CCDC25: variants seen among roughly 807,000 people sequenced by gnomAD.
CCDC25 encodes the protein coiled-coil domain-containing protein 25.
A neutral mutation model predicts 35.3 loss-of-function variants in CCDC25; 16 were observed. The ratio of observed to expected loss-of-function variants is 0.45; its 90% CI spans 0.31 to 0.69. The LOEUF is 0.69. CCDC25 is among the 30% of genes least tolerant of loss of function. The pLI is 0.06. For synonymous variants in CCDC25, 79 were observed against 80.3 expected (o/e 0.98, Z 0.09); for missense variants, 179 against 250.7 (o/e 0.71, Z 1.93).
chr8:27,756,850 G>T, intron 3 of CCDC25, 80 bp from the exon 4 acceptor site: 1 of 1,000,394 alleles, frequency 1.0e-6, no homozygotes, highest in African/African-American at 1.6e-5. Flanking sequence ...AAAGCATTCT[G>T]TTCTAAAAAG....
intron 8 of CCDC25, among the ~76,000 whole-genome samples, chr8:27,738,414 C>T (rs1803321016): frequency 6.6e-6 from 1 of 152,134 alleles, no homozygotes; most frequent in Non-Finnish European, 1.5e-5. Context: ...GCAAAACTTC[C>T]TTGGAATCTT....
intron 7 of CCDC25, 97 bp from the exon 8 acceptor site, chr8:27,740,614 G>C (rs1183217837): frequency 1.0e-6 from 1 of 1,003,032 alleles, no homozygotes; most frequent in Admixed American, 2.3e-5. Context: ...CTGCTCAGGG[G>C]CTTTAGAAGA....
chr8:27,756,498 T>A (rs996618521), intron 4 of CCDC25: 78 of 508,782 alleles, frequency 1.5e-4, no homozygotes, highest in African/African-American at 1.4e-3. Context: ...AAGCAGTGCA[T>A]CTAGCTGGGA....
intron 5 of CCDC25, among the ~76,000 whole-genome samples, chr8:27,749,495 C>T (rs937845849): frequency 3.9e-5 from 6 of 152,180 alleles, no homozygotes; most frequent in Non-Finnish European, 7.3e-5. Flanking sequence ...CTCCAAAGTG[C>T]ATGATGGGAT....
chr8:27,740,652 T>C, intron 7 of CCDC25, 135 bp from the exon 8 acceptor site: 1 of 684,454 alleles, frequency 1.5e-6, no homozygotes, highest in South Asian at 2.0e-5. Flanking sequence ...ATATAATCTC[T>C]GCACTCAAGG....
intron 1 of CCDC25, among the ~76,000 whole-genome samples, chr8:27,767,949 CCCA>C: frequency 6.6e-6 from 1 of 152,100 alleles, no homozygotes; most frequent in Non-Finnish European, 1.5e-5. Context: ...CGTCTGTAAT[CCCA>C]CCACTTTGGG....
At chr8:27,762,274 T>C in intron 3 of CCDC25, 145 bp downstream of exon 3, 1 of 691,900 alleles carries the variant, frequency 1.4e-6, no homozygotes, top group Non-Finnish European at 2.5e-6. Context: ...GCAAGGTAAT[T>C]AGAAATGAAG....
At chr8:27,755,249 GA>G in intron 4 of CCDC25, among the ~76,000 whole-genome samples, 1 of 152,216 alleles carries the variant, frequency 6.6e-6, no homozygotes, top group Non-Finnish European at 1.5e-5. Context: ...TGTAGTGCCG[GA>G]AAGCAAGGAT....
intron 8 of CCDC25, among the ~76,000 whole-genome samples, chr8:27,739,111 C>T (rs957643809): frequency 1.3e-5 from 2 of 152,118 alleles, no homozygotes; most frequent in African/African-American, 4.8e-5. Context: ...ACTGTGACAA[C>T]GTTCCCTTGC....
At position 27,748,690 on chromosome 8, in the gene CCDC25, G is replaced by C. The variant is rs1031645307; in HGVS notation, c.245-92C>G. 4.3e-6 allele frequency: 4 copies of C among 928,576 alleles called. No individual in the cohort carries two copies. The African/African-American group carries it at 6.5e-5, about 15-fold the overall frequency. The allele number at this position is 928,576 out of a possible 1,614,324, so 57.5% of individuals were successfully genotyped here. A position where few individuals can be genotyped will look rare whatever the true frequency, so the allele number is the denominator to read the frequency against. ...TGGCAAACTGCCATAAGCCAACAAG[G>C]GAAACGGCTTAGAACGAACAGGCCA... is the stretch of plus-strand genomic sequence containing the variant. On this transcript the variant is annotated intron_variant, in intron 5 of 8. Transcript: ENST00000356537.
At chr8:27,769,850 C>A (rs537396991) in intron 1 of CCDC25, among the ~76,000 whole-genome samples, 1 of 152,304 alleles carries the variant, frequency 6.6e-6, no homozygotes, top group South Asian at 2.1e-4. Context: ...TCACTTAAAT[C>A]TTACCTTTTG....
At chr8:27,748,683 C>A in intron 5 of CCDC25, 85 bp from the exon 6 acceptor site, 1 of 986,088 alleles carries the variant, frequency 1.0e-6, no homozygotes, top group Non-Finnish European at 1.6e-6. Context: ...TGCCATAAGC[C>A]AACAAGGGAA....
chr8:27,751,982 G>A (rs971794106), intron 5 of CCDC25, among the ~76,000 whole-genome samples: 70 of 152,104 alleles, frequency 4.6e-4, no homozygotes, highest in African/African-American at 1.7e-3. Context: ...CTCTTTGGTG[G>A]GGAGGGGAAG....
At position 27,772,598 on chromosome 8, in the gene CCDC25, C is replaced by T; in HGVS notation, c.-58G>A. Reference sequence around the variant, plus strand: ...GAGCAGCAGCGCTCAACTCACGAAGCTCAGGATACCAGACTCGCGGCGGCC... The same window carrying T: ...GAGCAGCAGCGCTCAACTCACGAAGTTCAGGATACCAGACTCGCGGCGGCC... On this transcript the variant is annotated 5_prime_UTR_variant, in exon 1 of 9. Coordinates refer to ENST00000356537, the MANE Select transcript of CCDC25 (RefSeq NM_018246.3). The T allele has an allele frequency of 3.9e-6, 6 of 1,522,584 alleles. No individual in the cohort carries two copies. The highest frequency in any genetic ancestry group is 1.2e-5 in the South Asian group (1 of 83,282). The allele number at this position is 1,522,584 out of a possible 1,614,324, so 94.3% of individuals were successfully genotyped here.
intron 3 of CCDC25, among the ~76,000 whole-genome samples, chr8:27,761,917 T>C (rs1804241639): frequency 6.6e-6 from 1 of 152,158 alleles, no homozygotes; most frequent in Non-Finnish European, 1.5e-5. Context: ...TTTAAAACAG[T>C]TCACATAAAT....
At chr8:27,770,105 C>G (rs1055811336) in intron 1 of CCDC25, among the ~76,000 whole-genome samples, 2 of 152,116 alleles carry the variant, frequency 1.3e-5, no homozygotes, top group Admixed American at 1.3e-4. Flanking sequence ...GATCACACCA[C>G]CGTACTCTAG....
intron 2 of CCDC25, 85 bp from the exon 3 acceptor site, chr8:27,762,543 C>T (rs949561764): frequency 3.4e-5 from 41 of 1,214,822 alleles, no homozygotes; most frequent in African/African-American, 2.8e-4. Context: ...GAAATGTCAG[C>T]TCCTCCCACA....
At chr8:27,749,200 C>T (rs557008192) in intron 5 of CCDC25, among the ~76,000 whole-genome samples, 49 of 152,312 alleles carry the variant, frequency 3.2e-4, no homozygotes, top group African/African-American at 1.1e-3. Flanking sequence ...GTGCCAGGTA[C>T]CCTGTTCACT....
chr8:27,764,085 T>C (rs913694872), intron 2 of CCDC25, among the ~76,000 whole-genome samples: 3 of 152,184 alleles, frequency 2.0e-5, no homozygotes, highest in African/African-American at 7.2e-5. Context: ...TCCACTTAAA[T>C]TGATGTTTCT....
Sources: allele counts gnomAD v4.1 joint callset (sites outside exome capture counted in the v4.1 genomes callset), GRCh38; gene constraint gnomAD v4.1.1; transcripts MANE v1.5; gene names NCBI Gene and HGNC (gene_info 2026-07-23, HGNC 2026-07-21).